HSPA9: variants seen among roughly 807,000 people sequenced by gnomAD.
The protein encoded by HSPA9 is stress-70 protein, mitochondrial.
HSPA9 carries 28 observed loss-of-function variants against 81.5 expected under a neutral mutation model. The observed-to-expected ratio is 0.34, with a 90% CI of 0.25 to 0.47. The LOEUF is 0.47. Ranked by LOEUF, HSPA9 falls within the 20% of genes least tolerant of loss-of-function variation. HSPA9 has a pLI of 1.00. For synonymous variants in HSPA9, 293 were observed against 290.4 expected (o/e 1.01, Z -0.09); for missense variants, 678 against 838.0 (o/e 0.81, Z 2.36).
rs113083724 is a variant in HSPA9, at chr5:138,567,913, G to A, written c.536-191C>T. 9.9e-3 allele frequency among the ~76,000 whole-genome samples: 1,509 copies of A among 152,238 alleles called. 19 individuals carry two copies. The highest frequency in any genetic ancestry group is 0.034 in the African/African-American group (1,420 of 41,532). On this transcript the variant is annotated intron_variant, in intron 5 of 16. Coordinates refer to ENST00000297185, the MANE Select transcript of HSPA9 (RefSeq NM_004134.7). ...AAAAACCCAAGATCAGGCCGGGCAC[G>A]GTGGCTCACACTCGTAATCCCAGCA...
rs889811110 is a variant in HSPA9 at position 138,557,594 on chromosome 5, T to C, written c.1634-98A>G. ...GAGTACTCCTGCTCATAGCAGCCAATCTTGATACAAATTATGAAGAGGAGA... is the reference window on the plus strand; with the variant it reads ...GAGTACTCCTGCTCATAGCAGCCAACCTTGATACAAATTATGAAGAGGAGA... On this transcript the variant is annotated intron_variant, in intron 13 of 16. Coordinates refer to ENST00000297185, the MANE Select transcript of HSPA9 (RefSeq NM_004134.7). 4.9e-6 allele frequency: 4 copies of C among 813,402 alleles called. No individual in the cohort carries two copies. In the South Asian group the frequency reaches 5.7e-5, roughly 12 times the overall value. The allele number at this position is 813,402 out of a possible 1,614,324, so 50.4% of individuals were successfully genotyped here.
chr5:138,575,372 G>A lies in HSPA9; in HGVS notation c.-54C>T. The A allele has an allele frequency of 1.4e-6, 2 of 1,436,408 alleles. No individual in the cohort carries two copies. The highest frequency in any genetic ancestry group is 1.4e-5 in the African/African-American group (1 of 71,704). The allele number at this position is 1,436,408 out of a possible 1,614,324, so 89.0% of individuals were successfully genotyped here. ...CAAACAAGCGCTCCGACGGCAAAGA[G>A]CTGCGCGATGCGGTGGCGGCAGCGC... On this transcript the variant is annotated 5_prime_UTR_variant, in exon 1 of 17. Transcript: ENST00000297185.
Position 138,553,851 on chromosome 5 carries a change from A to G in HSPA9, c.*2186T>C, listed in dbSNP as rs1750466230. On this transcript the variant is annotated 3_prime_UTR_variant, in exon 17 of 17. Transcript: ENST00000297185. Reference sequence around the variant, plus strand: ...TTGTCTCTCTCCAGAAGAGATTAGTATTGAATTGGAGATTGCTCTGCTTTG... The same window carrying G: ...TTGTCTCTCTCCAGAAGAGATTAGTGTTGAATTGGAGATTGCTCTGCTTTG... Among the ~76,000 whole-genome samples the G allele has an allele frequency of 6.6e-6, 1 of 152,234 alleles. No homozygotes were observed. The highest frequency in any genetic ancestry group is 1.5e-5 in the Non-Finnish European group (1 of 68,046).
chr5:138,559,659 G>C lies in HSPA9; in HGVS notation c.1410+205C>G, dbSNP rs139738942. The C allele has an allele frequency of 3.0e-3, 1,650 of 558,294 alleles. 16 individuals are homozygous for C. The highest frequency in any genetic ancestry group is 2.3e-3 in the Admixed American group (79 of 33,668). 34.6% of individuals were successfully genotyped at this position (558,294 alleles called of 1,614,324 possible). On this transcript the variant is annotated intron_variant, in intron 11 of 16. Transcript: ENST00000297185. Reference sequence around the variant, plus strand: ...GTCCTTCTTATAATCATCACTACCAGCTAACATGTAAGAACTTTTCTGGTA... The same window carrying C: ...GTCCTTCTTATAATCATCACTACCACCTAACATGTAAGAACTTTTCTGGTA...
intron 10 of HSPA9, 109 bp from the exon 11 acceptor site, chr5:138,560,200 C>A: frequency 2.6e-6 from 2 of 771,948 alleles, no homozygotes; most frequent in Non-Finnish European, 4.5e-6. Flanking sequence ...GACAGGCTAA[C>A]TCAAATCTGA....
At position 138,567,108 on chromosome 5, in the gene HSPA9, G is replaced by A; in HGVS notation, c.772C>T (p.Gln258Ter). ...GTFDISILEIQKGVFEVKSTN... is the reference protein window; with the variant it reads ...GTFDISILEI ...GATTTCACCTCAAATACTCCTTTCT[G>A]AATTTCCAGGATAGAAATATCAAAA... The change falls in exon 8 of 17, where the codon CAG (glutamine) becomes TAG (stop). Residue 258 changes from glutamine to a stop codon, truncating the protein, a stop_gained. Coordinates refer to ENST00000297185, the MANE Select transcript of HSPA9 (RefSeq NM_004134.7). LOFTEE classifies it high-confidence loss of function. 6.2e-7 allele frequency: 1 copy of A among 1,613,270 alleles called. No individual in the cohort carries two copies. Among genetic ancestry groups the A allele is most frequent in the Non-Finnish European group, 8.5e-7 (1 of 1,179,568 alleles).
chr5:138,565,932 T>C (rs770969873), intron 9 of HSPA9, among the ~76,000 whole-genome samples: 3 of 152,174 alleles, frequency 2.0e-5, no homozygotes, highest in Non-Finnish European at 2.9e-5. Flanking sequence ...ACGCCCATTA[T>C]CCCAGCACTT....
chr5:138,561,389 G>A (rs757916931), intron 10 of HSPA9, among the ~76,000 whole-genome samples, 191 bp downstream of exon 10: 11 of 152,090 alleles, frequency 7.2e-5, no homozygotes, highest in Non-Finnish European at 1.2e-4. Context: ...GATTATAGGC[G>A]TGAACCACCA....
chr5:138,556,187 A>G (rs1750516467), intron 16 of HSPA9, 73 bp from the exon 17 acceptor site: 15 of 1,249,970 alleles, frequency 1.2e-5, no homozygotes, highest in Non-Finnish European at 1.6e-5. Flanking sequence ...TTGCACTCCA[A>G]GATGAGGGAC....
At position 138,557,930 on chromosome 5, in the gene HSPA9, A is replaced by C; in HGVS notation, c.1572T>G (p.Ile524Met). Residue 524 changes from isoleucine (I) to methionine (M), a missense_variant, in exon 13 of 17, where the codon ATT (isoleucine) becomes ATG (methionine). Ile to Met is a conservative substitution (Grantham distance 10, BLOSUM62 1). Transcript: ENST00000297185. ...GVPQIEVTFD[I>M]DANGIVHVSA... The stretch of plus-strand genomic sequence containing the variant: ...AAACATGTACTATCCCATTGGCATC[A>C]ATGTCAAATGTAACTTCAATCTGAG... 6.2e-7 allele frequency: 1 copy of C among 1,611,974 alleles called. No homozygotes were observed. The highest frequency in any genetic ancestry group is 1.3e-5 in the African/African-American group (1 of 74,980).
intron 1 of HSPA9, 114 bp from the exon 2 acceptor site, chr5:138,574,240 A>G (rs1751029224): frequency 1.3e-6 from 1 of 747,314 alleles, no homozygotes; most frequent in Non-Finnish European, 2.4e-6. Flanking sequence ...AACAGTAAAT[A>G]TTAAAGTTTC....
chr5:138,570,860 A>T, intron 4 of HSPA9, 100 bp downstream of exon 4: 1 of 1,029,402 alleles, frequency 9.7e-7, no homozygotes. Flanking sequence ...TAAAATTACT[A>T]AAGTAAGGTG....
intron 14 of HSPA9, 161 bp from the exon 15 acceptor site, chr5:138,557,027 G>C (rs374267708): frequency 1.5e-6 from 1 of 678,598 alleles, no homozygotes. Context: ...ATGGCTTTGA[G>C]AGAGATTTGG....
At position 138,560,011 on chromosome 5, in the gene HSPA9, A is replaced by G. The variant is rs765829112; in HGVS notation, c.1263T>C (p.Ala421=). 1.2e-6 allele frequency: 2 copies of G among 1,614,182 alleles called. No homozygotes were observed. Among genetic ancestry groups the G allele is most frequent in the Middle Eastern group, 1.6e-4 (1 of 6,062 alleles). The change falls in exon 11 of 17, where the codon GCT becomes GCC. Residue 421 remains alanine (A), a synonymous_variant. Transcript: ENST00000297185. ...CGGCCAACACACCTCCCTGAATGGCAGCTCCAATGGCCACAGCCTCATCAG... is the reference window on the plus strand; with the variant it reads ...CGGCCAACACACCTCCCTGAATGGCGGCTCCAATGGCCACAGCCTCATCAG... ...VNPDEAVAIG[A]AIQGGVLAGD...
rs1751021882 is a variant in HSPA9, at chr5:138,574,066, AC to A, written c.140+1del. ...TCTCAAAGGAAATGATATTATACTT[AC>A]GCATAATCCCGCCTTGAAACAAGTC... is the stretch of plus-strand genomic sequence containing the variant. On this transcript the variant is annotated splice_donor_variant, in intron 2 of 16. Coordinates refer to ENST00000297185, the MANE Select transcript of HSPA9 (RefSeq NM_004134.7). LOFTEE classifies it high-confidence loss of function. The A allele has an allele frequency of 6.2e-7, 1 of 1,609,794 alleles. No individual in the cohort carries two copies. Among genetic ancestry groups the A allele is most frequent in the African/African-American group, 1.3e-5 (1 of 74,838 alleles).
chr5:138,561,121 CAA>C (rs781436480), intron 10 of HSPA9: 1 of 479,534 alleles, frequency 2.1e-6, no homozygotes, highest in African/African-American at 1.9e-5. Context: ...AAATCTTTGT[CAA>C]AGAGATGCAC....
At chr5:138,572,963 T>C (rs962832679) in intron 3 of HSPA9, among the ~76,000 whole-genome samples, 11 of 152,132 alleles carry the variant, frequency 7.2e-5, no homozygotes, top group African/African-American at 2.7e-4. Context: ...TGATGTGATC[T>C]TGGCTCACTG....
intron 1 of HSPA9, 50 bp downstream of exon 1, chr5:138,575,188 G>A (rs1288783301): frequency 1.1e-5 from 14 of 1,320,904 alleles, no homozygotes; most frequent in African/African-American, 2.9e-5. Flanking sequence ...GAAGCCCGAG[G>A]CCCAAGGCCC....
chr5:138,557,798 C>G, intron 13 of HSPA9, 71 bp downstream of exon 13: 1 of 912,508 alleles, frequency 1.1e-6, no homozygotes, highest in Non-Finnish European at 1.8e-6. Context: ...GAGGACTCAT[C>G]ATTCTAAGAG....
Sources: allele counts gnomAD v4.1 joint callset (sites outside exome capture counted in the v4.1 genomes callset), GRCh38; gene constraint gnomAD v4.1.1; transcripts MANE v1.5; gene names NCBI Gene and HGNC (gene_info 2026-07-23, HGNC 2026-07-21).